CWF19L2: variants seen among roughly 807,000 people sequenced by gnomAD.
The protein encoded by CWF19L2 is CWF19-like protein 2.
In CWF19L2, 98 loss-of-function variants were observed where a neutral mutation model predicts 111.7. That is an observed-to-expected ratio of 0.88 (90% confidence interval 0.75 to 1.04). The LOEUF (loss-of-function observed/expected upper bound fraction) is 1.04, where lower values mean the gene tolerates loss of function less well. Among genes scored for constraint, CWF19L2 ranks in the 50% least tolerant of loss-of-function variants. CWF19L2 has a pLI of 0.00. For missense variants in CWF19L2, 1,101 were observed against 1,051.4 expected (o/e 1.05, Z -0.65); for synonymous variants, 351 against 342.9 (o/e 1.02, Z -0.26).
chr11:107,452,656 T>A (rs1381555786), intron 3 of CWF19L2, among the ~76,000 whole-genome samples: 4 of 152,110 alleles, frequency 2.6e-5, no homozygotes, highest in Admixed American at 1.3e-4. Flanking sequence ...ATTAATGGAT[T>A]ATAAATAAGC....
intron 12 of CWF19L2, among the ~76,000 whole-genome samples, chr11:107,381,625 G>T (rs974604768): frequency 6.6e-6 from 1 of 152,046 alleles, no homozygotes; most frequent in African/African-American, 2.4e-5. Flanking sequence ...TGACCAAGGG[G>T]CTGCTGCAAT....
In CWF19L2 at chr11:107,442,983, C is replaced by G; in HGVS notation, c.406G>C (p.Val136Leu). 1 of 1,551,842 alleles carries G rather than the reference C, an allele frequency of 6.4e-7. No individual in the cohort carries two copies. Reference protein sequence around the residue: ...QTPDKEKAWKVKDEKSGKDDT... With the variant: ...QTPDKEKAWKLKDEKSGKDDT... ...TCTTTTCCTGACTTTTCATCTTTCA[C>G]TTTCCAGGCTTTTTCCTTGTCAGGA... Residue 136 changes from valine to leucine, a missense_variant, in exon 4 of 18, where the codon GTG (valine) becomes CTG (leucine). Val to Leu is a conservative substitution (Grantham distance 32). Transcript: ENST00000282251.
intron 12 of CWF19L2, among the ~76,000 whole-genome samples, chr11:107,379,724 G>T (rs1274314285): frequency 1.3e-5 from 2 of 152,204 alleles, no homozygotes; most frequent in African/African-American, 4.8e-5. Flanking sequence ...TCTGCATAAA[G>T]AAAAACCTGA....
rs193173504 is a variant in CWF19L2, at chr11:107,369,533, A to G, written c.1873-15797T>C. Among the ~76,000 whole-genome samples the G allele has an allele frequency of 8.0e-5, 11 of 138,102 alleles. 2 individuals are homozygous for G. The highest frequency in any genetic ancestry group is 1.7e-4 in the African/African-American group (6 of 34,756). The allele number at this position is 138,102 out of a possible 152,430, so 90.6% of individuals were successfully genotyped here. A position where few individuals can be genotyped will look rare whatever the true frequency, so the allele number is the denominator to read the frequency against. ...GGCTTGACTTATTCCCTGGCCCACA[A>G]TGACATTCTAGCTAGAAGCAACTTT... On this transcript the variant is annotated intron_variant, in intron 12 of 17. Transcript: ENST00000282251.
At chr11:107,375,760 A>C (rs1860588773) in intron 12 of CWF19L2, among the ~76,000 whole-genome samples, 1 of 112,934 alleles carries the variant, frequency 8.9e-6, no homozygotes, top group Non-Finnish European at 1.8e-5. Flanking sequence ...AAGGCAAGAA[A>C]TAACTAAAAT....
intron 8 of CWF19L2, among the ~76,000 whole-genome samples, chr11:107,423,185 C>T (rs1861325545): frequency 6.6e-6 from 1 of 151,906 alleles, no homozygotes; most frequent in African/African-American, 2.4e-5. Flanking sequence ...AGGTACATGT[C>T]ATTTTCATTG....
intron 12 of CWF19L2, among the ~76,000 whole-genome samples, chr11:107,360,062 T>G (rs1860301190): frequency 6.6e-6 from 1 of 152,222 alleles, no homozygotes; most frequent in Non-Finnish European, 1.5e-5. Flanking sequence ...ATCACTCAAA[T>G]AATGTACATT....
chr11:107,422,711 T>C (rs1861318878), intron 8 of CWF19L2, among the ~76,000 whole-genome samples: 1 of 152,068 alleles, frequency 6.6e-6, no homozygotes, highest in African/African-American at 2.4e-5. Flanking sequence ...TCTATAATAC[T>C]CTATAAAAAT....
chr11:107,356,963 A>C (rs113241651), intron 12 of CWF19L2, among the ~76,000 whole-genome samples: 327 of 152,248 alleles, frequency 2.1e-3, no homozygotes, highest in South Asian at 6.2e-3. Flanking sequence ...GCTTGAACCC[A>C]GGAGGCGGAG....
intron 10 of CWF19L2, among the ~76,000 whole-genome samples, chr11:107,415,011 A>G (rs779942337): frequency 5.3e-5 from 8 of 152,170 alleles, no homozygotes; most frequent in Non-Finnish European, 1.2e-4. Context: ...GCTTAAAACC[A>G]TGTAATAGTT....
In CWF19L2 at chr11:107,455,682, A is replaced by G. The variant is rs981676879; in HGVS notation, c.200T>C (p.Ile67Thr). ...TWMLPDVNER[I>T]EQFSQEHSVK... ...AGTATTCACCTGTGAGAACTGTTCA[A>G]TTCTCTCATTCACATCAGGTAGCAT... The change falls in exon 2 of 18, where the codon ATT becomes ACT. Residue 67 changes from isoleucine (I) to threonine (T), a missense_variant. By Grantham distance (89) the Ile-to-Thr change is moderately conservative. Transcript: ENST00000282251. 14 of 1,545,414 alleles carry G rather than the reference A, an allele frequency of 9.1e-6. No homozygotes were observed. The highest frequency in any genetic ancestry group is 5.9e-5 in the Admixed American group (3 of 50,860).
At chr11:107,364,987 G>A (rs1475837707) in intron 12 of CWF19L2, among the ~76,000 whole-genome samples, 1 of 109,082 alleles carries the variant, frequency 9.2e-6, no homozygotes, top group African/African-American at 4.0e-5. Flanking sequence ...AATGATAAAG[G>A]GGATATCACC....
intron 10 of CWF19L2, among the ~76,000 whole-genome samples, chr11:107,399,123 C>T (rs762578691): frequency 2.0e-5 from 3 of 152,004 alleles, no homozygotes; most frequent in Admixed American, 6.6e-5. Context: ...TTACACAGGA[C>T]CTATAAAACA....
rs1300314132 is a variant in CWF19L2 at position 107,376,451 on chromosome 11, T to C, written c.1872+13623A>G. On this transcript the variant is annotated intron_variant, in intron 12 of 17. Coordinates refer to ENST00000282251, the MANE Select transcript of CWF19L2 (RefSeq NM_152434.3). ...GGGCTTCATCCCTGGGATGCAAGGCTGGTTCAATATACGCAAATCAATAAA... is the reference window on the plus strand; with the variant it reads ...GGGCTTCATCCCTGGGATGCAAGGCCGGTTCAATATACGCAAATCAATAAA... 2.0e-3 allele frequency among the ~76,000 whole-genome samples: 189 copies of C among 96,640 alleles called. 35 individuals are homozygous for C. The highest frequency in any genetic ancestry group is 0.01 in the African/African-American group (167 of 16,594). 63.4% of individuals were successfully genotyped at this position (96,640 alleles called of 152,430 possible).
rs1289383702 is a variant in CWF19L2, at chr11:107,428,673, C to T, written c.1433+126G>A. 14 of 751,450 alleles carry T rather than the reference C, an allele frequency of 1.9e-5. No homozygotes were observed. The East Asian group carries it at 3.5e-4, about 19-fold the overall frequency. 46.5% of individuals were successfully genotyped at this position (751,450 alleles called of 1,614,324 possible). Reference sequence around the variant, plus strand: ...CTGCCTGTTAAATCTGCATATCTTACCCCTTCTATCAATTTTAAGAAATGT... The same window carrying T: ...CTGCCTGTTAAATCTGCATATCTTATCCCTTCTATCAATTTTAAGAAATGT... On this transcript the variant is annotated intron_variant, in intron 8 of 17. Coordinates refer to ENST00000282251, the MANE Select transcript of CWF19L2 (RefSeq NM_152434.3).
intron 12 of CWF19L2, among the ~76,000 whole-genome samples, chr11:107,355,225 G>C (rs1213168978): frequency 6.6e-6 from 1 of 152,068 alleles, no homozygotes; most frequent in Non-Finnish European, 1.5e-5. Context: ...AGACCAGCCT[G>C]ACCAACATGG....
intron 12 of CWF19L2, among the ~76,000 whole-genome samples, chr11:107,387,331 T>A (rs143424610): frequency 2.0e-4 from 30 of 152,058 alleles, no homozygotes; most frequent in African/African-American, 6.5e-4. Flanking sequence ...TATAATACTC[T>A]CCTTCTAAGT....
chr11:107,399,538 A>G (rs1226974976), intron 10 of CWF19L2, among the ~76,000 whole-genome samples: 1 of 152,188 alleles, frequency 6.6e-6, no homozygotes, highest in Admixed American at 6.5e-5. Context: ...TCCTAAACAT[A>G]TATGTGCCTA....
intron 12 of CWF19L2, among the ~76,000 whole-genome samples, chr11:107,389,751 CCTAA>C (rs1860820738): frequency 1.3e-5 from 2 of 152,074 alleles, no homozygotes; most frequent in Admixed American, 6.6e-5. Context: ...GGAGTGGTAA[CCTAA>C]CTATCAGCGC....
Sources: gnomAD v4.1 joint callset for allele counts (sites outside exome capture counted in the v4.1 genomes callset) on GRCh38, gnomAD v4.1.1 for gene constraint, MANE v1.5 for transcripts, NCBI Gene and HGNC (gene_info 2026-07-23, HGNC 2026-07-21) for gene names.